The following RIMS2 variants were observed in gnomAD, a reference collection of about 807,000 sequenced individuals.
RIMS2 encodes the protein regulating synaptic membrane exocytosis 2, also known as regulating synaptic membrane exocytosis protein 2.
Under a neutral mutation model 174.4 loss-of-function variants are expected in RIMS2, and 59 were observed. The observed-to-expected ratio is 0.34, with a 90% CI of 0.27 to 0.42. RIMS2 has a LOEUF of 0.42. RIMS2 is among the 10% of genes least tolerant of loss of function. The pLI is 1.00. For synonymous variants in RIMS2, 606 were observed against 572.5 expected (o/e 1.06, Z -0.84); for missense variants, 1,620 against 1,666.3 (o/e 0.97, Z 0.48).
At chr8:104,142,851 C>A (rs2098596876) in intron 19 of RIMS2, among the ~76,000 whole-genome samples, 1 of 152,122 alleles carries the variant, frequency 6.6e-6, no homozygotes, top group Non-Finnish European at 1.5e-5. Context: ...CATTTAGATA[C>A]TATACTGATA....
chr8:104,169,313 T>TATAC (rs1413373946), intron 19 of RIMS2, among the ~76,000 whole-genome samples: 1 of 61,504 alleles, frequency 1.6e-5, no homozygotes, highest in Non-Finnish European at 3.1e-5. Context: ...GCTATATATA[T>TATAC]ATATATATAT....
In RIMS2 at chr8:103,663,064, G is replaced by A. The variant is rs542138900; in HGVS notation, c.177-34022G>A. ...ACGTAACTGTAATCCAGCTACTCAG[G>A]GGGCTGAGGCAGGAGAATTGCTTGA... On this transcript the variant is annotated intron_variant, in intron 1 of 23. Coordinates refer to ENST00000504942, the Ensembl canonical transcript of RIMS2. Among the ~76,000 whole-genome samples the A allele has an allele frequency of 7.9e-5, 12 of 152,146 alleles. No homozygotes were observed. The East Asian group carries it at 1.9e-3, about 25-fold the overall frequency.
At chr8:103,581,806 G>A (rs2093634218) in intron 1 of RIMS2, among the ~76,000 whole-genome samples, 1 of 152,144 alleles carries the variant, frequency 6.6e-6, no homozygotes, top group Admixed American at 6.5e-5. Context: ...ACCACCAAAG[G>A]CTGCATGTGC....
At chr8:103,925,789 G>C (rs1232370485) in intron 10 of RIMS2, among the ~76,000 whole-genome samples, 1 of 151,548 alleles carries the variant, frequency 6.6e-6, no homozygotes, top group Non-Finnish European at 1.5e-5. Context: ...AAAGTTCAGA[G>C]TGTTCTGGGA....
chr8:103,673,773 T>A (rs796355054), intron 1 of RIMS2, among the ~76,000 whole-genome samples: 23 of 152,352 alleles, frequency 1.5e-4, no homozygotes, highest in African/African-American at 5.1e-4. Context: ...AATATAAATA[T>A]CTCTAGTAAG....
At chr8:104,163,167 A>G (rs1428203247) in intron 19 of RIMS2, among the ~76,000 whole-genome samples, 1 of 152,192 alleles carries the variant, frequency 6.6e-6, no homozygotes, top group Non-Finnish European at 1.5e-5. Flanking sequence ...GAAAAACACT[A>G]AGATGAATCC....
At chr8:103,790,116 A>T (rs897238248) in intron 3 of RIMS2, among the ~76,000 whole-genome samples, 5 of 152,146 alleles carry the variant, frequency 3.3e-5, no homozygotes, top group Admixed American at 6.5e-5. Flanking sequence ...GATATAATTC[A>T]TGTGTCATAA....
intron 19 of RIMS2, among the ~76,000 whole-genome samples, chr8:104,191,866 A>C (rs2098999565): frequency 6.6e-6 from 1 of 152,118 alleles, no homozygotes; most frequent in African/African-American, 2.4e-5. Context: ...CAGCCTCCCA[A>C]AGTGCTAGGA....
intron 1 of RIMS2, among the ~76,000 whole-genome samples, chr8:103,626,134 G>T (rs1487762390): frequency 2.0e-5 from 3 of 151,810 alleles, no homozygotes; most frequent in African/African-American, 7.3e-5. Flanking sequence ...TGAAACATAG[G>T]GATACAGTTT....
At position 103,936,671 on chromosome 8, in the gene RIMS2, C is replaced by G. The variant is rs542654985; in HGVS notation, c.2496C>G (p.Thr832=). Reference sequence around the variant, plus strand: ...TTCGGGAACGAATGCTAGAGATTACCCTTTGGGATCAAGCTCGTGTTCGAG... The same window carrying G: ...TTCGGGAACGAATGCTAGAGATTACGCTTTGGGATCAAGCTCGTGTTCGAG... The change falls in exon 13 of 24, where the codon ACC becomes ACG. Residue 832 remains threonine, a synonymous_variant. Transcript: ENST00000504942. 581 of 1,609,512 alleles carry G rather than the reference C, an allele frequency of 3.6e-4. 3 individuals carry two copies. The South Asian group carries it at 6.2e-3, about 17-fold the overall frequency.
At chr8:104,038,767 C>T (rs2096560800) in intron 19 of RIMS2, among the ~76,000 whole-genome samples, 1 of 151,652 alleles carries the variant, frequency 6.6e-6, no homozygotes, top group South Asian at 2.1e-4. Context: ...TGCAATAGTA[C>T]ATAATAAAAC....
intron 2 of RIMS2, among the ~76,000 whole-genome samples, chr8:103,722,356 G>A (rs1484788379): frequency 1.3e-5 from 2 of 152,072 alleles, no homozygotes; most frequent in East Asian, 3.9e-4. Context: ...AATATATAAT[G>A]AAATAGTTAT....
chr8:104,013,621 G>A, exon 18 of RIMS2: 1 of 1,612,500 alleles, frequency 6.2e-7, no homozygotes, highest in Non-Finnish European at 8.5e-7. Context: ...GCCTTATCGA[G>A]GTGAAAGATA....
At chr8:104,100,290 G>A (rs552037355) in intron 19 of RIMS2, among the ~76,000 whole-genome samples, 1 of 151,968 alleles carries the variant, frequency 6.6e-6, no homozygotes, top group Admixed American at 6.5e-5. Flanking sequence ...ATTAATTTTT[G>A]TATGTTGATC....
intron 19 of RIMS2, among the ~76,000 whole-genome samples, chr8:104,195,137 G>T (rs1437492866): frequency 6.6e-6 from 1 of 152,178 alleles, no homozygotes; most frequent in Non-Finnish European, 1.5e-5. Context: ...CGACAGAATG[G>T]TAGTATTTTT....
chr8:103,860,222 T>G (rs1300519568), intron 3 of RIMS2, among the ~76,000 whole-genome samples: 1 of 152,140 alleles, frequency 6.6e-6, no homozygotes, highest in Non-Finnish European at 1.5e-5. Flanking sequence ...TCTGCACACA[T>G]AAGGGAATGG....
intron 17 of RIMS2, among the ~76,000 whole-genome samples, chr8:104,008,801 C>T (rs970537689): frequency 1.3e-5 from 2 of 151,840 alleles, no homozygotes; most frequent in African/African-American, 4.8e-5. Context: ...ATATTGTTGT[C>T]ATCTTTGAAT....
intron 1 of RIMS2, among the ~76,000 whole-genome samples, chr8:103,536,971 A>G (rs1288962584): frequency 6.6e-6 from 1 of 152,222 alleles, no homozygotes; most frequent in Non-Finnish European, 1.5e-5. Context: ...CAAACTCACA[A>G]CTGATAAATT....
chr8:104,045,751 C>T (rs971039352), intron 19 of RIMS2, among the ~76,000 whole-genome samples: 2 of 151,700 alleles, frequency 1.3e-5, no homozygotes, highest in Non-Finnish European at 2.9e-5. Context: ...TGGGTCTGTG[C>T]TACCTTAAGA....
Sources: allele counts gnomAD v4.1 joint callset (sites outside exome capture counted in the v4.1 genomes callset), GRCh38; gene constraint gnomAD v4.1.1; transcripts MANE v1.5; gene names NCBI Gene and HGNC (gene_info 2026-07-23, HGNC 2026-07-21).